Variants in CSMD1 observed in about 807,000 individuals in gnomAD.
CSMD1 encodes the protein CUB and Sushi multiple domains 1, also known as CUB and sushi domain-containing protein 1.
A neutral mutation model predicts 417.5 loss-of-function variants in CSMD1; 213 were observed. The ratio of observed to expected loss-of-function variants is 0.51; its 90% CI spans 0.46 to 0.57. The LOEUF (loss-of-function observed/expected upper bound fraction) is 0.57, where lower values mean the gene tolerates loss of function less well. CSMD1 is among the 20% of genes least tolerant of loss of function. CSMD1 has a pLI of 0.00. For synonymous variants in CSMD1, 2,862 were observed against 1,736.8 expected (o/e 1.65, Z -16.11); for missense variants, 6,923 against 4,529.7 (o/e 1.53, Z -15.17).
chr8:4,803,911 C>G (rs1423875602), intron 1 of CSMD1, among the ~76,000 whole-genome samples: 2 of 152,120 alleles, frequency 1.3e-5, no homozygotes, highest in Admixed American at 1.3e-4. Flanking sequence ...AAGCAGCTAG[C>G]CCACAGAGCC....
In CSMD1 at chr8:4,640,863, A is replaced by T. The variant is rs1378927813; in HGVS notation, c.86-3305T>A. Among the ~76,000 whole-genome samples, 6 of 13,740 alleles carry T rather than the reference A, an allele frequency of 4.4e-4. No individual in the cohort carries two copies. The South Asian group carries it at 0.012, about 28-fold the overall frequency. 9.0% of individuals were successfully genotyped at this position (13,740 alleles called of 152,430 possible). A position where few individuals can be genotyped will look rare whatever the true frequency, so the allele number is the denominator to read the frequency against. On this transcript the variant is annotated intron_variant, in intron 1 of 69. Transcript: ENST00000635120. ...AGGGATTGAAACCTTAATTATTGCT[A>T]AAAAAAAAAAAAAAAAAGTCTAATG...
intron 56 of CSMD1, among the ~76,000 whole-genome samples, chr8:2,973,759 G>A (rs1164513508): frequency 3.9e-5 from 6 of 152,070 alleles, no homozygotes; most frequent in South Asian, 2.1e-4. Context: ...AGAAACATTC[G>A]TGAAAAAAAT....
chr8:3,383,058 G>A (rs1194992474), intron 18 of CSMD1, among the ~76,000 whole-genome samples: 1 of 152,082 alleles, frequency 6.6e-6, no homozygotes, highest in Non-Finnish European at 1.5e-5. Flanking sequence ...TAGATAGCCA[G>A]ATTGGAGAAG....
chr8:3,654,932 C>G (rs116167992), intron 7 of CSMD1, among the ~76,000 whole-genome samples: 3,462 of 152,280 alleles, frequency 0.023, 141 homozygotes, highest in African/African-American at 0.079. Context: ...AGCATCTCAT[C>G]TGGCACTTCC....
At chr8:3,121,207 A>G (rs1260261171) in intron 41 of CSMD1, among the ~76,000 whole-genome samples, 1 of 152,192 alleles carries the variant, frequency 6.6e-6, no homozygotes, top group Non-Finnish European at 1.5e-5. Context: ...TTGTAAGCAT[A>G]CTATGCAGTT....
intron 5 of CSMD1, among the ~76,000 whole-genome samples, chr8:3,758,851 T>A (rs11783053): frequency 2.0e-5 from 3 of 151,890 alleles, no homozygotes; most frequent in African/African-American, 7.3e-5. Flanking sequence ...TACTAGATTA[T>A]TGAGTGGGCC....
rs140706291 is a variant in CSMD1 at position 4,309,760 on chromosome 8, G to A, written c.415+110193C>T. ...CCTATCACAGTCTATTGATATTAAC[G>A]TTTTACTAGATCAATGAAGCATAGA... On this transcript the variant is annotated intron_variant, in intron 3 of 69. Coordinates refer to ENST00000635120, the MANE Select transcript of CSMD1 (RefSeq NM_033225.6). 7.4e-4 allele frequency among the ~76,000 whole-genome samples: 113 copies of A among 152,134 alleles called. 1 individual carries two copies. The highest frequency in any genetic ancestry group is 2.6e-3 in the African/African-American group (107 of 41,510).
intron 10 of CSMD1, among the ~76,000 whole-genome samples, chr8:3,510,153 T>C (rs1298984051): frequency 6.7e-6 from 1 of 149,440 alleles, no homozygotes; most frequent in African/African-American, 2.6e-5. Flanking sequence ...TCTGTGTATA[T>C]GCTTTTGTGA....
chr8:3,412,722 C>T (rs78788962), intron 12 of CSMD1, among the ~76,000 whole-genome samples: 3 of 152,108 alleles, frequency 2.0e-5, no homozygotes, highest in Non-Finnish European at 4.4e-5. Flanking sequence ...GCAACACAAG[C>T]CAAATACATC....
intron 18 of CSMD1, among the ~76,000 whole-genome samples, chr8:3,381,787 C>G (rs1810644013): frequency 6.6e-6 from 1 of 152,124 alleles, no homozygotes; most frequent in South Asian, 2.1e-4. Context: ...TCTCACTGCT[C>G]CCACGCTACA....
Position 4,153,692 on chromosome 8 carries a change from T to C in CSMD1, c.416-121593A>G, listed in dbSNP as rs987329371. ...TCACTGCCTGGAATTTCCGCTTCCATCAATCCGGCAGTCCCACAGATATAA... is the reference window on the plus strand; with the variant it reads ...TCACTGCCTGGAATTTCCGCTTCCACCAATCCGGCAGTCCCACAGATATAA... On this transcript the variant is annotated intron_variant, in intron 3 of 69. Transcript: ENST00000635120. Among the ~76,000 whole-genome samples the C allele has an allele frequency of 6.6e-5, 10 of 152,204 alleles. No individual in the cohort carries two copies. In the East Asian group the frequency reaches 1.5e-3, roughly 24 times the overall value.
At chr8:4,303,865 C>G (rs550382862) in intron 3 of CSMD1, among the ~76,000 whole-genome samples, 2 of 152,008 alleles carry the variant, frequency 1.3e-5, no homozygotes, top group African/African-American at 4.8e-5. Flanking sequence ...CTATGTTGCC[C>G]AGGCTGGTCT....
At chr8:4,058,294 C>T (rs1048315480) in intron 3 of CSMD1, among the ~76,000 whole-genome samples, 9 of 152,070 alleles carry the variant, frequency 5.9e-5, no homozygotes, top group African/African-American at 2.2e-4. Flanking sequence ...CTCTTTGAAG[C>T]AACTGTGAAT....
intron 8 of CSMD1, among the ~76,000 whole-genome samples, chr8:3,603,259 A>G (rs1801448897): frequency 6.6e-6 from 1 of 152,174 alleles, no homozygotes; most frequent in Non-Finnish European, 1.5e-5. Flanking sequence ...AGTAACCATG[A>G]ATCCTCCTTC....
At chr8:3,439,919 C>G (rs1430325509) in intron 12 of CSMD1, among the ~76,000 whole-genome samples, 1 of 152,152 alleles carries the variant, frequency 6.6e-6, no homozygotes, top group Non-Finnish European at 1.5e-5. Context: ...ACTATTCTTC[C>G]TCCATTGAAT....
chr8:4,421,857 G>T (rs964730071), intron 2 of CSMD1, among the ~76,000 whole-genome samples: 1 of 151,652 alleles, frequency 6.6e-6, no homozygotes, highest in African/African-American at 2.4e-5. Flanking sequence ...AAAGAAAAAA[G>T]AACAAATAAT....
At chr8:4,377,915 A>G (rs1802859135) in intron 3 of CSMD1, among the ~76,000 whole-genome samples, 1 of 152,246 alleles carries the variant, frequency 6.6e-6, no homozygotes, top group Non-Finnish European at 1.5e-5. Context: ...TAGTACTTAA[A>G]TTGGGAGGTA....
At chr8:4,003,825 T>TAC (rs1292549329) in intron 4 of CSMD1, among the ~76,000 whole-genome samples, 20 of 142,510 alleles carry the variant, frequency 1.4e-4, no homozygotes, top group African/African-American at 4.9e-4. Context: ...TCTGATATTC[T>TAC]ACCAAGGTCA....
Position 3,181,885 on chromosome 8 carries a change from C to G in CSMD1, c.5621-671G>C, listed in dbSNP as rs546210284. On this transcript the variant is annotated intron_variant, in intron 36 of 69. Coordinates refer to ENST00000635120, the MANE Select transcript of CSMD1 (RefSeq NM_033225.6). ...AAAGAAGTAATGATGCTGGCAGGTG[C>G]TGAGGAAAAGAAAATCGTTCATCAC... 4.0e-4 allele frequency among the ~76,000 whole-genome samples: 61 copies of G among 152,262 alleles called. 1 individual carries two copies. The South Asian group carries it at 7.0e-3, about 18-fold the overall frequency.
Sources: gnomAD v4.1 joint callset for allele counts (sites outside exome capture counted in the v4.1 genomes callset) on GRCh38, gnomAD v4.1.1 for gene constraint, MANE v1.5 for transcripts, NCBI Gene and HGNC (gene_info 2026-07-23, HGNC 2026-07-21) for gene names.